The following GPC5 variants were observed in gnomAD, a reference collection of about 807,000 sequenced individuals.
GPC5 encodes glypican-5.
GPC5 carries 47 observed loss-of-function variants against 53.9 expected under a neutral mutation model. The observed-to-expected ratio is 0.87, with a 90% CI of 0.69 to 1.11. The LOEUF is 1.11. Among genes scored for constraint, GPC5 ranks in the 50% most tolerant of loss-of-function variants. The pLI is 0.00. For missense variants in GPC5, 748 were observed against 713.1 expected, an observed-to-expected ratio of 1.05 and a Z score of -0.56; for synonymous variants, 286 against 263.3, an observed-to-expected ratio of 1.09 and a Z score of -0.84.
chr13:92,810,963 G>C (rs1460191199), intron 7 of GPC5, among the ~76,000 whole-genome samples: 1 of 151,826 alleles, frequency 6.6e-6, no homozygotes, highest in African/African-American at 2.4e-5. Flanking sequence ...CTCATGATCT[G>C]CCTGATTCGG....
intron 7 of GPC5, among the ~76,000 whole-genome samples, chr13:92,326,288 G>C (rs2043250303): frequency 6.6e-6 from 1 of 151,948 alleles, no homozygotes; most frequent in South Asian, 2.1e-4. Context: ...TACAATAAAA[G>C]AAAGTATGGG....
chr13:92,560,056 T>C (rs1433424992), intron 7 of GPC5, among the ~76,000 whole-genome samples: 1 of 151,826 alleles, frequency 6.6e-6, no homozygotes, highest in Non-Finnish European at 1.5e-5. Flanking sequence ...TTTTGTTTGT[T>C]ATCCAGAATA....
chr13:92,762,005 G>A (rs1277232568), intron 7 of GPC5, among the ~76,000 whole-genome samples: 1 of 152,018 alleles, frequency 6.6e-6, no homozygotes, highest in Non-Finnish European at 1.5e-5. Flanking sequence ...ACCACTGGAT[G>A]TGCCTTAGAA....
At chr13:91,725,405 G>T (rs539822949) in intron 3 of GPC5, among the ~76,000 whole-genome samples, 74 of 152,242 alleles carry the variant, frequency 4.9e-4, no homozygotes, top group African/African-American at 1.7e-3. Flanking sequence ...GTATTGAAAG[G>T]TGCCACCCAA....
intron 7 of GPC5, among the ~76,000 whole-genome samples, chr13:92,796,879 A>G (rs1333177074): frequency 1.3e-5 from 2 of 151,980 alleles, no homozygotes; most frequent in African/African-American, 4.8e-5. Context: ...ATGAAAAATC[A>G]ATGATATATA....
intron 5 of GPC5, among the ~76,000 whole-genome samples, chr13:91,780,908 GC>G (rs966647603): frequency 6.6e-6 from 1 of 152,066 alleles, no homozygotes; most frequent in Admixed American, 6.6e-5. Context: ...TTCACATGTA[GC>G]CCCCCACTCC....
chr13:91,907,417 G>A (rs1473611662), intron 5 of GPC5, among the ~76,000 whole-genome samples: 2 of 140,782 alleles, frequency 1.4e-5, no homozygotes, highest in African/African-American at 2.6e-5. Flanking sequence ...ATATGTACAT[G>A]TATATATATA....
At chr13:92,357,336 G>A (rs1461417408) in intron 7 of GPC5, among the ~76,000 whole-genome samples, 1 of 151,754 alleles carries the variant, frequency 6.6e-6, no homozygotes, top group Admixed American at 6.5e-5. Flanking sequence ...CCCACCAACA[G>A]AGTAAAAGTG....
intron 6 of GPC5, among the ~76,000 whole-genome samples, chr13:92,037,711 C>T (rs1274590252): frequency 1.3e-5 from 2 of 152,114 alleles, no homozygotes; most frequent in African/African-American, 4.8e-5. Context: ...TATAAACCAA[C>T]TATTTAAAAG....
At chr13:92,666,199 G>A (rs1295913577) in intron 7 of GPC5, among the ~76,000 whole-genome samples, 1 of 152,116 alleles carries the variant, frequency 6.6e-6, no homozygotes, top group South Asian at 2.1e-4. Context: ...ATTTTCTTTT[G>A]TGATATTGAA....
intron 7 of GPC5, among the ~76,000 whole-genome samples, chr13:92,277,961 T>C (rs1166476065): frequency 6.6e-6 from 1 of 151,860 alleles, no homozygotes; most frequent in Non-Finnish European, 1.5e-5. Context: ...TTAAAACTAA[T>C]TATATAGTAA....
intron 7 of GPC5, among the ~76,000 whole-genome samples, chr13:92,288,322 G>A (rs2042970498): frequency 6.6e-6 from 1 of 151,996 alleles, no homozygotes; most frequent in Non-Finnish European, 1.5e-5. Flanking sequence ...CTGTTTTATA[G>A]TATTTTTGTT....
At chr13:91,485,765 C>A (rs1405344209) in intron 2 of GPC5, 1 of 152,124 alleles carries the variant, frequency 6.6e-6, no homozygotes, top group Non-Finnish European at 1.5e-5. Context: ...ATAGGGTCAG[C>A]ATTTTCAAAA....
At chr13:91,569,662 A>G (rs1417757852) in intron 2 of GPC5, among the ~76,000 whole-genome samples, 1 of 152,156 alleles carries the variant, frequency 6.6e-6, no homozygotes, top group African/African-American at 2.4e-5. Flanking sequence ...TTGTAGCTTA[A>G]TCCTCATTTT....
At chr13:91,591,928 A>G (rs1265510540) in intron 2 of GPC5, among the ~76,000 whole-genome samples, 4 of 152,162 alleles carry the variant, frequency 2.6e-5, no homozygotes, top group Admixed American at 2.6e-4. Flanking sequence ...TCTGAATTGT[A>G]TATCTGTCAT....
intron 2 of GPC5, among the ~76,000 whole-genome samples, chr13:91,642,339 G>A (rs77286682): frequency 0.038 from 5,795 of 152,220 alleles, 347 homozygotes; most frequent in African/African-American, 0.13. Flanking sequence ...GAACAGAGGC[G>A]TAAACACAGT....
At chr13:91,486,873 G>C (rs940138409) in intron 2 of GPC5, 4 of 152,192 alleles carry the variant, frequency 2.6e-5, no homozygotes, top group Non-Finnish European at 4.4e-5. Flanking sequence ...AACAGGTAAG[G>C]GTTGGGTTGA....
chr13:91,912,737 AG>A (rs1248040556), intron 6 of GPC5, among the ~76,000 whole-genome samples: 1 of 112,586 alleles, frequency 8.9e-6, no homozygotes, highest in Non-Finnish European at 2.3e-5. Flanking sequence ...GGTTGTGACC[AG>A]TTTTTTATGA....
chr13:92,287,442 T>C (rs1338700994), intron 7 of GPC5, among the ~76,000 whole-genome samples: 3 of 152,200 alleles, frequency 2.0e-5, no homozygotes, highest in Non-Finnish European at 4.4e-5. Context: ...TTAGTAAAAG[T>C]AGGGTTTGAA....
Sources: gnomAD v4.1 joint callset for allele counts (sites outside exome capture counted in the v4.1 genomes callset) on GRCh38, gnomAD v4.1.1 for gene constraint, MANE v1.5 for transcripts, NCBI Gene and HGNC (gene_info 2026-07-23, HGNC 2026-07-21) for gene names.